Variants in SLC26A5 observed in about 807,000 individuals in gnomAD.
SLC26A5 encodes the protein prestin.
A neutral mutation model predicts 81.0 loss-of-function variants in SLC26A5; 51 were observed. That is an observed-to-expected ratio of 0.63 (90% confidence interval 0.50 to 0.80). The LOEUF (loss-of-function observed/expected upper bound fraction) is 0.80. Ranked by LOEUF, SLC26A5 falls within the 30% of genes least tolerant of loss-of-function variation. SLC26A5 has a pLI of 0.00. For synonymous variants in SLC26A5, 325 were observed against 332.8 expected, an observed-to-expected ratio of 0.98 and a Z score of 0.25; for missense variants, 771 against 905.8, an observed-to-expected ratio of 0.85 and a Z score of 1.91.
At chr7:103,362,778 A>G in intron 19 of SLC26A5, 1 of 1,493,844 alleles carries the variant, frequency 6.7e-7, no homozygotes, top group Non-Finnish European at 9.3e-7. Context: ...TATGGGAGGG[A>G]AAAGGAAGGC....
At position 103,441,840 on chromosome 7, in the gene SLC26A5, A is replaced by C. The variant is rs115092891; in HGVS notation, c.-54+1243T>G. 3.5e-3 allele frequency among the ~76,000 whole-genome samples: 528 copies of C among 152,334 alleles called. 3 individuals are homozygous for C. Among genetic ancestry groups the C allele is most frequent in the African/African-American group, 0.012 (500 of 41,580 alleles). ...GGGAATATCAAAAAGGTGAGCAGGC[A>C]CAGCAGCTCCCCCCGAATAACCTGA... On this transcript the variant is annotated intron_variant, in intron 2 of 19. Coordinates refer to ENST00000306312, the MANE Select transcript of SLC26A5 (RefSeq NM_198999.3).
chr7:103,411,354 A>T, intron 6 of SLC26A5, 66 bp downstream of exon 6: 1 of 1,589,780 alleles, frequency 6.3e-7, no homozygotes, highest in Non-Finnish European at 8.6e-7. Flanking sequence ...ACCAGCCAAG[A>T]GCACTCAGTA....
intron 2 of SLC26A5, among the ~76,000 whole-genome samples, chr7:103,430,592 G>GC (rs1311630030): frequency 2.9e-5 from 2 of 67,922 alleles, no homozygotes; most frequent in Non-Finnish European, 4.7e-5. Context: ...TGCTGTTCCA[G>GC]AGAGGATGGC....
intron 19 of SLC26A5, chr7:103,368,751 A>G (rs946924348): frequency 6.6e-6 from 1 of 152,120 alleles, no homozygotes; most frequent in Admixed American, 6.6e-5. Flanking sequence ...GACTAGTAAA[A>G]AAAGAAAAAA....
At chr7:103,380,381 C>T (rs938245632) in intron 15 of SLC26A5, 99 bp downstream of exon 15, 10 of 943,374 alleles carry the variant, frequency 1.1e-5, no homozygotes, top group Non-Finnish European at 1.7e-5. Flanking sequence ...ACCACTATAC[C>T]TCCCATCTTA....
At chr7:103,441,238 T>A (rs375302221) in intron 2 of SLC26A5, among the ~76,000 whole-genome samples, 1 of 152,230 alleles carries the variant, frequency 6.6e-6, no homozygotes, top group Admixed American at 6.5e-5. Flanking sequence ...TCTTACCGAT[T>A]TGACAGTCAC....
chr7:103,392,059 G>C (rs1483967618), intron 10 of SLC26A5, among the ~76,000 whole-genome samples: 1 of 152,200 alleles, frequency 6.6e-6, no homozygotes, highest in African/African-American at 2.4e-5. Context: ...CTGCTGAAGA[G>C]AAAGTTATTG....
At chr7:103,363,685 G>A (rs574766305) in intron 19 of SLC26A5, among the ~76,000 whole-genome samples, 19 of 152,278 alleles carry the variant, frequency 1.2e-4, no homozygotes, top group African/African-American at 3.6e-4. Flanking sequence ...GAGGCACAGT[G>A]TAACCTTTAG....
chr7:103,366,496 C>G (rs982153115), intron 19 of SLC26A5, among the ~76,000 whole-genome samples: 1 of 152,174 alleles, frequency 6.6e-6, no homozygotes, highest in African/African-American at 2.4e-5. Flanking sequence ...TATCCCAAAT[C>G]TGAAAACCTG....
chr7:103,354,065 T>A, intron 19 of SLC26A5: 1 of 840,322 alleles, frequency 1.2e-6, no homozygotes, highest in Non-Finnish European at 1.8e-6. Context: ...AACCAAAAAT[T>A]AAAAAACCAA....
chr7:103,367,997 G>A lies in SLC26A5; in HGVS notation c.2041+8811C>T. The A allele has an allele frequency of 5.6e-6, 9 of 1,613,864 alleles. No homozygotes were observed. Among genetic ancestry groups the A allele is most frequent in the South Asian group, 2.2e-5 (2 of 91,054 alleles). ...AGGATTTCTTGGAAGCTGTAAATAA[G>A]GTCATTAAGTCTTATGCCAAATTCA... On this transcript the variant is annotated intron_variant, in intron 19 of 19. Coordinates refer to the SLC26A5 transcript ENST00000339444. The surrounding 1 kb of genome is among the most constrained non-coding windows in gnomAD (Gnocchi z 6.1).
In SLC26A5 at chr7:103,374,263, T is replaced by TC; in HGVS notation, c.*135dup. On this transcript the variant is annotated 3_prime_UTR_variant, in exon 20 of 20. Transcript: ENST00000306312. Reference sequence around the variant, plus strand: ...CAAGTACAATACATCTTGCTAGGCGTCATTCACCCTCCAAATCAAGCCTGG... The same window carrying TC: ...CAAGTACAATACATCTTGCTAGGCGTCCATTCACCCTCCAAATCAAGCCTGG... 6.7e-7 allele frequency: 1 copy of TC among 1,485,300 alleles called. No homozygotes were observed. The highest frequency in any genetic ancestry group is 8.9e-7 in the Non-Finnish European group (1 of 1,121,672). The allele number at this position is 1,485,300 out of a possible 1,614,324, so 92.0% of individuals were successfully genotyped here. A position where few individuals can be genotyped will look rare whatever the true frequency, so the allele number is the denominator to read the frequency against.
chr7:103,376,498 A>G (rs1280600873), intron 19 of SLC26A5, among the ~76,000 whole-genome samples: 1 of 152,250 alleles, frequency 6.6e-6, no homozygotes, highest in Non-Finnish European at 1.5e-5. Flanking sequence ...GGCAGCCATT[A>G]GATAATTGCT....
chr7:103,433,631 A>G (rs953007063), intron 2 of SLC26A5: 5 of 151,912 alleles, frequency 3.3e-5, no homozygotes, highest in Admixed American at 2.6e-4. Flanking sequence ...AAGGAAATGC[A>G]TTTAATTCTT....
chr7:103,411,659 G>A, intron 5 of SLC26A5, 73 bp from the exon 6 acceptor site: 1 of 1,532,026 alleles, frequency 6.5e-7, no homozygotes, highest in South Asian at 1.1e-5. Context: ...AGTACACCAA[G>A]AGACAAAGGT....
intron 19 of SLC26A5, among the ~76,000 whole-genome samples, chr7:103,365,282 A>G (rs1820651208): frequency 6.6e-6 from 1 of 152,120 alleles, no homozygotes; most frequent in African/African-American, 2.4e-5. Flanking sequence ...TTAATATTTT[A>G]AGGCTGGCAA....
intron 2 of SLC26A5, among the ~76,000 whole-genome samples, chr7:103,441,485 A>G (rs1237572184): frequency 6.6e-6 from 1 of 152,206 alleles, no homozygotes; most frequent in Non-Finnish European, 1.5e-5. Flanking sequence ...CTCCTCTCCC[A>G]GTTCTGGTAA....
intron 4 of SLC26A5, among the ~76,000 whole-genome samples, chr7:103,419,420 C>G (rs967783123): frequency 5.9e-5 from 9 of 152,142 alleles, no homozygotes; most frequent in African/African-American, 2.2e-4. Flanking sequence ...TTCTTTGTAC[C>G]ATACCCAATT....
intron 14 of SLC26A5, among the ~76,000 whole-genome samples, chr7:103,384,647 G>C (rs890669286): frequency 6.6e-6 from 1 of 152,026 alleles, no homozygotes; most frequent in Non-Finnish European, 1.5e-5. Flanking sequence ...GTCAGCTTCT[G>C]GATTTGCAAA....
Sources: allele counts gnomAD v4.1 joint callset (sites outside exome capture counted in the v4.1 genomes callset), GRCh38; gene constraint gnomAD v4.1.1; non-coding constraint Gnocchi (gnomAD v3.1); transcripts MANE v1.5; gene names NCBI Gene and HGNC (gene_info 2026-07-23, HGNC 2026-07-21).